KIAA1217: variants seen among roughly 807,000 people sequenced by gnomAD.
KIAA1217 encodes the protein sickle tail protein homolog.
A neutral mutation model predicts 163.9 loss-of-function variants in KIAA1217; 88 were observed. The observed-to-expected ratio is 0.54, with a 90% CI of 0.45 to 0.64. The LOEUF is 0.64. Ranked by LOEUF, KIAA1217 falls within the 30% of genes least tolerant of loss-of-function variation. The pLI is 0.00. For missense variants in KIAA1217, 2,372 were observed against 2,475.0 expected (o/e 0.96, Z 0.88); for synonymous variants, 903 against 923.1 (o/e 0.98, Z 0.39).
intron 1 of KIAA1217, among the ~76,000 whole-genome samples, chr10:23,841,578 C>CT (rs60011792): frequency 0.014 from 2,096 of 148,736 alleles, 22 homozygotes; most frequent in South Asian, 0.028. Context: ...CCTATTAATT[C>CT]TTTTTTTTTT....
chr10:23,803,543 C>A (rs1034410746), intron 1 of KIAA1217, among the ~76,000 whole-genome samples: 1 of 152,204 alleles, frequency 6.6e-6, no homozygotes, highest in Admixed American at 6.5e-5. Flanking sequence ...TCTCCCTTTG[C>A]CCTATCCTGC....
intron 1 of KIAA1217, among the ~76,000 whole-genome samples, chr10:23,956,858 A>G (rs1435316765): frequency 6.6e-6 from 1 of 152,172 alleles, no homozygotes; most frequent in African/African-American, 2.4e-5. Flanking sequence ...GGACAGCATC[A>G]AAACATTCAT....
At chr10:24,371,408 TTTACC>T (rs2051632143) in intron 2 of KIAA1217, among the ~76,000 whole-genome samples, 4 of 152,192 alleles carry the variant, frequency 2.6e-5, no homozygotes, top group Non-Finnish European at 4.4e-5. Flanking sequence ...AAATTCCAAA[TTTACC>T]TAGAATCAAA....
chr10:24,324,575 C>A (rs1456827516), intron 2 of KIAA1217, among the ~76,000 whole-genome samples: 1 of 152,118 alleles, frequency 6.6e-6, no homozygotes. Flanking sequence ...TCAAAACAAA[C>A]AAACAAACAA....
At chr10:23,870,514 G>C (rs755061332) in intron 1 of KIAA1217, among the ~76,000 whole-genome samples, 1 of 152,046 alleles carries the variant, frequency 6.6e-6, no homozygotes, top group Non-Finnish European at 1.5e-5. Context: ...CAACAATAAG[G>C]AATGGTGACA....
chr10:23,881,255 G>A lies in KIAA1217; in HGVS notation c.-320-125970G>A, dbSNP rs544864046. Among the ~76,000 whole-genome samples the A allele has an allele frequency of 3.9e-5, 6 of 152,034 alleles. No homozygotes were observed. The East Asian group carries it at 1.2e-3, about 30-fold the overall frequency. On this transcript the variant is annotated intron_variant, in intron 1 of 18. Transcript: ENST00000376462. The stretch of plus-strand genomic sequence containing the variant: ...ATTGAAATTAGTTGTTATGCAAAAA[G>A]AGCCATAGCTTTGAACATTAATATG...
intron 2 of KIAA1217, among the ~76,000 whole-genome samples, chr10:24,274,600 T>G (rs2132041116): frequency 6.6e-6 from 1 of 152,312 alleles, no homozygotes; most frequent in Non-Finnish European, 1.5e-5. Flanking sequence ...TTCTATAAAC[T>G]TGCCCTAAAT....
At chr10:23,704,164 G>A (rs1241213358) in intron 1 of KIAA1217, among the ~76,000 whole-genome samples, 39 of 80,572 alleles carry the variant, frequency 4.8e-4, no homozygotes, top group East Asian at 2.7e-3. Flanking sequence ...GTGTGTGTGT[G>A]TGTGTGTGTA....
At chr10:23,989,651 G>A (rs150354285) in intron 1 of KIAA1217, among the ~76,000 whole-genome samples, 144 of 152,142 alleles carry the variant, frequency 9.5e-4, no homozygotes, top group Non-Finnish European at 1.9e-3. Context: ...CATATTTTGG[G>A]GTATCAGTTC....
chr10:23,960,069 C>A (rs910796914), intron 1 of KIAA1217, among the ~76,000 whole-genome samples: 1 of 151,840 alleles, frequency 6.6e-6, no homozygotes, highest in East Asian at 1.9e-4. Context: ...GCGCCTGCCA[C>A]CACGCCCGGC....
intron 1 of KIAA1217, among the ~76,000 whole-genome samples, chr10:23,859,010 T>C (rs373403812): frequency 3.3e-5 from 5 of 152,218 alleles, no homozygotes; most frequent in East Asian, 1.9e-4. Context: ...TTTAAACTTA[T>C]TCTAAGCCAG....
Position 24,212,496 on chromosome 10 carries a change from G to C in KIAA1217, c.70+3233G>C, listed in dbSNP as rs535262411. 2.0e-5 allele frequency among the ~76,000 whole-genome samples: 3 copies of C among 152,258 alleles called. No individual in the cohort carries two copies. In the East Asian group the frequency reaches 5.8e-4, roughly 29 times the overall value. ...AGAAAAAGTCCAAAGGATGCCCCCC[G>C]AGGCAGTCCAGCATCTAGAGGTCAG... On this transcript the variant is annotated intron_variant, in intron 1 of 20. Coordinates refer to ENST00000376454, the MANE Select transcript of KIAA1217 (RefSeq NM_019590.5).
chr10:23,716,431 A>G (rs1837574045), intron 1 of KIAA1217, among the ~76,000 whole-genome samples: 1 of 152,212 alleles, frequency 6.6e-6, no homozygotes, highest in Non-Finnish European at 1.5e-5. Context: ...AAATAAATGC[A>G]ATATGTGAAA....
chr10:23,753,785 T>G (rs958405649), intron 1 of KIAA1217, among the ~76,000 whole-genome samples: 7 of 152,358 alleles, frequency 4.6e-5, no homozygotes, highest in Non-Finnish European at 1.0e-4. Flanking sequence ...TTAAGAACTT[T>G]TGAAGAACCA....
intron 2 of KIAA1217, among the ~76,000 whole-genome samples, chr10:24,145,566 G>A (rs963617749): frequency 2.6e-5 from 4 of 152,156 alleles, no homozygotes; most frequent in African/African-American, 9.7e-5. Context: ...ATATATGAAG[G>A]GGAGTTTATT....
chr10:24,483,981 CCCTGGATCCGAGAAAG>C (rs2065022890), intron 6 of KIAA1217, among the ~76,000 whole-genome samples: 1 of 151,894 alleles, frequency 6.6e-6, no homozygotes, highest in South Asian at 2.1e-4. Flanking sequence ...CCACAGAGAG[CCCTGGATCCGAGAAAG>C]CCTGCAAGCT....
chr10:24,347,222 T>C (rs370798118), intron 2 of KIAA1217, among the ~76,000 whole-genome samples: 2 of 152,222 alleles, frequency 1.3e-5, no homozygotes, highest in East Asian at 3.9e-4. Flanking sequence ...CCCAGCACCA[T>C]GAAAAGTGTG....
chr10:24,234,379 A>G (rs1021995796), intron 2 of KIAA1217, among the ~76,000 whole-genome samples: 16 of 152,124 alleles, frequency 1.1e-4, no homozygotes, highest in Non-Finnish European at 2.9e-5. Flanking sequence ...ATACATATAT[A>G]TCGGCCGGGT....
chr10:24,337,650 C>CTTTTCTTTTCTTTTCTTTTCT (rs1554821347), intron 2 of KIAA1217, among the ~76,000 whole-genome samples: 1 of 40,886 alleles, frequency 2.4e-5, no homozygotes, highest in East Asian at 4.9e-4. Context: ...CTTTTCTTTT[C>CTTTTCTTTTCTTTTCTTTTCT]TTTTTTTTTT....
Sources: gnomAD v4.1 joint callset for allele counts (sites outside exome capture counted in the v4.1 genomes callset) on GRCh38, gnomAD v4.1.1 for gene constraint, MANE v1.5 for transcripts, NCBI Gene and HGNC (gene_info 2026-07-23, HGNC 2026-07-21) for gene names.